WDR7: variants seen among roughly 807,000 people sequenced by gnomAD.
WDR7 encodes the protein WD repeat-containing protein 7.
WDR7 carries 46 observed loss-of-function variants against 169.4 expected under a neutral mutation model. The observed-to-expected ratio is 0.27, with a 90% CI of 0.21 to 0.35. The LOEUF (loss-of-function observed/expected upper bound fraction) is 0.35, where lower values mean the gene tolerates loss of function less well. Ranked by LOEUF, WDR7 falls within the 10% of genes least tolerant of loss-of-function variation. The probability of loss-of-function intolerance (pLI) is 1.00; values close to 1 mark genes in which losing one functional copy is unlikely to be tolerated. For synonymous variants in WDR7, 612 were observed against 666.8 expected (o/e 0.92, Z 1.27); for missense variants, 1,534 against 1,859.3 (o/e 0.83, Z 3.22).
At chr18:56,821,799 A>G (rs899389831) in intron 20 of WDR7, among the ~76,000 whole-genome samples, 6 of 151,728 alleles carry the variant, frequency 4.0e-5, no homozygotes, top group African/African-American at 1.5e-4. Context: ...ATTTGAGACT[A>G]TCCTACACAA....
chr18:56,668,992 C>A (rs1257155778), intron 1 of WDR7, among the ~76,000 whole-genome samples: 1 of 151,622 alleles, frequency 6.6e-6, no homozygotes, highest in East Asian at 1.9e-4. Context: ...GATCTTATGA[C>A]ATCTTTCTGA....
intron 12 of WDR7, among the ~76,000 whole-genome samples, chr18:56,708,972 T>C (rs1406207918): frequency 6.6e-6 from 1 of 151,864 alleles, no homozygotes; most frequent in African/African-American, 2.4e-5. Context: ...AACAAAACTT[T>C]ATAATTTTAG....
chr18:56,694,449 GT>G (rs2025651506), intron 9 of WDR7, among the ~76,000 whole-genome samples, 169 bp from the exon 10 acceptor site: 1 of 152,096 alleles, frequency 6.6e-6, no homozygotes, highest in African/African-American at 2.4e-5. Flanking sequence ...TGACATGTAT[GT>G]TAGTGCTATA....
chr18:56,893,301 A>G (rs994116715), intron 21 of WDR7, among the ~76,000 whole-genome samples: 1 of 151,832 alleles, frequency 6.6e-6, no homozygotes, highest in East Asian at 1.9e-4. Context: ...TGTATGTCTT[A>G]ATATATAAGT....
intron 1 of WDR7, among the ~76,000 whole-genome samples, chr18:56,670,905 C>G (rs1265476572): frequency 6.6e-6 from 1 of 152,184 alleles, no homozygotes; most frequent in South Asian, 2.1e-4. Context: ...TGAGAGTACT[C>G]TCTTCTATGC....
intron 14 of WDR7, among the ~76,000 whole-genome samples, chr18:56,743,022 TA>T (rs1243502153): frequency 5.9e-5 from 9 of 152,064 alleles, no homozygotes; most frequent in Non-Finnish European, 1.0e-4. Flanking sequence ...TAATAGGTAA[TA>T]GGGAGGAGAG....
chr18:56,939,272 A>G (rs780099274), intron 24 of WDR7, 39 bp from the exon 25 acceptor site: 1 of 1,455,826 alleles, frequency 6.9e-7, no homozygotes, highest in Non-Finnish European at 9.3e-7. Context: ...AAAATTAAGT[A>G]TTTGAAATTA....
At chr18:56,994,700 C>T (rs982881634) in intron 26 of WDR7, among the ~76,000 whole-genome samples, 6 of 152,146 alleles carry the variant, frequency 3.9e-5, no homozygotes, top group South Asian at 2.1e-4. Context: ...TCTTGGTAAA[C>T]CATCTATCCA....
At chr18:56,669,511 A>C (rs2025089343) in intron 1 of WDR7, among the ~76,000 whole-genome samples, 1 of 152,164 alleles carries the variant, frequency 6.6e-6, no homozygotes. Context: ...TTTGATACAA[A>C]CATAAATGAA....
At chr18:56,657,429 G>A (rs1034983901) in intron 1 of WDR7, among the ~76,000 whole-genome samples, 51 of 152,212 alleles carry the variant, frequency 3.4e-4, no homozygotes, top group African/African-American at 1.1e-3. Flanking sequence ...GATTACAGGC[G>A]TGAGCCACCA....
At chr18:56,671,722 G>A (rs2025139820) in intron 1 of WDR7, among the ~76,000 whole-genome samples, 2 of 152,292 alleles carry the variant, frequency 1.3e-5, no homozygotes, top group African/African-American at 4.8e-5. Flanking sequence ...AGGCTGCCTG[G>A]GTTCTGATCT....
chr18:56,768,814 A>G (rs1272819362), intron 16 of WDR7, among the ~76,000 whole-genome samples: 2 of 152,214 alleles, frequency 1.3e-5, no homozygotes, highest in Admixed American at 6.5e-5. Flanking sequence ...TGTCACTTGC[A>G]TGTTGGCTAA....
intron 14 of WDR7, among the ~76,000 whole-genome samples, chr18:56,744,981 G>A (rs2043680368): frequency 6.6e-6 from 1 of 152,116 alleles, no homozygotes; most frequent in African/African-American, 2.4e-5. Context: ...AGTCACTATG[G>A]CTTTTAGTAT....
intron 12 of WDR7, among the ~76,000 whole-genome samples, chr18:56,702,534 TGTG>T (rs1467456344): frequency 6.6e-6 from 1 of 152,204 alleles, no homozygotes; most frequent in African/African-American, 2.4e-5. Flanking sequence ...CTTATTGAAT[TGTG>T]GTGATATTTT....
At chr18:56,833,344 A>ATATGGGAC (rs796610871) in intron 20 of WDR7, among the ~76,000 whole-genome samples, 1 of 152,100 alleles carries the variant, frequency 6.6e-6, no homozygotes, top group Non-Finnish European at 1.5e-5. Context: ...CTATGTGAAA[A>ATATGGGAC]TATGGGACTA....
intron 19 of WDR7, among the ~76,000 whole-genome samples, chr18:56,789,995 T>A (rs2044459799): frequency 6.6e-6 from 1 of 152,222 alleles, no homozygotes; most frequent in South Asian, 2.1e-4. Flanking sequence ...CTATAATAAA[T>A]GACCTAATAT....
chr18:56,674,523 CTT>C (rs901516745), intron 2 of WDR7, among the ~76,000 whole-genome samples: 2 of 151,926 alleles, frequency 1.3e-5, no homozygotes, highest in Non-Finnish European at 2.9e-5. Flanking sequence ...ATTGGGTTGT[CTT>C]TTTATTATTG....
chr18:56,910,822 G>C (rs1392653115), intron 21 of WDR7, among the ~76,000 whole-genome samples: 1 of 152,104 alleles, frequency 6.6e-6, no homozygotes, highest in Non-Finnish European at 1.5e-5. Context: ...ATAGTATCTT[G>C]TGCTTTATCT....
At chr18:57,036,601 A>C in the WDR7 span, 1 of 152,292 alleles carries the variant, frequency 6.6e-6, no homozygotes, top group East Asian at 1.9e-4. Context: ...ACCCGCTTTC[A>C]GCAAATCTGT....
Sources: gnomAD v4.1 joint callset for allele counts (sites outside exome capture counted in the v4.1 genomes callset) on GRCh38, gnomAD v4.1.1 for gene constraint, MANE v1.5 for transcripts, NCBI Gene and HGNC (gene_info 2026-07-23, HGNC 2026-07-21) for gene names.